The following RGS7 variants were observed in gnomAD, a reference collection of about 807,000 sequenced individuals.
RGS7 encodes the protein regulator of G protein signaling 7.
In RGS7, 27 loss-of-function variants were observed where a neutral mutation model predicts 81.1. The observed-to-expected ratio is 0.33, with a 90% confidence interval of 0.25 to 0.46. RGS7 has a LOEUF of 0.46. RGS7 is among the 20% of genes least tolerant of loss of function. RGS7 has a pLI of 1.00. For missense variants in RGS7, 396 were observed against 607.4 expected (o/e 0.65, Z 3.66); for synonymous variants, 208 against 207.7 (o/e 1.00, Z -0.01).
At chr1:240,786,462 C>G (rs1447772483) in intron 18 of RGS7, among the ~76,000 whole-genome samples, 1 of 151,970 alleles carries the variant, frequency 6.6e-6, no homozygotes. Flanking sequence ...AGAGATGCAA[C>G]CAACATTTAG....
intron 6 of RGS7, among the ~76,000 whole-genome samples, chr1:240,886,872 C>T (rs903286020): frequency 6.6e-6 from 1 of 152,208 alleles, no homozygotes; most frequent in East Asian, 1.9e-4. Context: ...CACAGATATT[C>T]TAGAACATGC....
intron 2 of RGS7, among the ~76,000 whole-genome samples, chr1:241,129,529 G>T (rs929689888): frequency 6.6e-6 from 1 of 152,100 alleles, no homozygotes; most frequent in Non-Finnish European, 1.5e-5. Context: ...AAAAAGCATC[G>T]CCAGCACCCT....
intron 2 of RGS7, among the ~76,000 whole-genome samples, chr1:241,142,274 C>T (rs572862438): frequency 1.3e-4 from 20 of 152,276 alleles, no homozygotes; most frequent in African/African-American, 4.8e-4. Flanking sequence ...AGGATGGTGG[C>T]CTTCTCAAAG....
At chr1:240,942,480 A>T (rs1677756410) in intron 4 of RGS7, among the ~76,000 whole-genome samples, 1 of 152,212 alleles carries the variant, frequency 6.6e-6, no homozygotes, top group Non-Finnish European at 1.5e-5. Context: ...TAATTTAAAA[A>T]CTTCACTGAA....
chr1:241,326,321 A>T (rs534378887), intron 2 of RGS7, among the ~76,000 whole-genome samples: 1 of 152,188 alleles, frequency 6.6e-6, no homozygotes, highest in Non-Finnish European at 1.5e-5. Context: ...TCCAGAAAGA[A>T]TTGGATAAAC....
At chr1:241,107,384 C>T (rs372816059) in intron 2 of RGS7, among the ~76,000 whole-genome samples, 1 of 152,168 alleles carries the variant, frequency 6.6e-6, no homozygotes, top group South Asian at 2.1e-4. Context: ...TCCTGCTTCT[C>T]CGATTACAGA....
intron 9 of RGS7, among the ~76,000 whole-genome samples, chr1:240,866,984 A>T (rs1292888905): frequency 1.3e-5 from 2 of 152,216 alleles, no homozygotes; most frequent in African/African-American, 4.8e-5. Context: ...AACATAACAC[A>T]TTGACTGGTT....
Position 240,988,824 on chromosome 1 carries a change from G to A in RGS7, c.176-5695C>T, listed in dbSNP as rs190975201. Among the ~76,000 whole-genome samples the A allele has an allele frequency of 3.4e-4, 52 of 152,284 alleles. 1 individual carries two copies. The highest frequency in any genetic ancestry group is 7.9e-4 in the African/African-American group (33 of 41,576). On this transcript the variant is annotated intron_variant, in intron 3 of 18. Coordinates refer to ENST00000440928, the MANE Select transcript of RGS7 (RefSeq NM_001364886.1). ...GTTCTGTCTGCCTTTGGCCAAAAGC[G>A]GGTACTGAAAAAAGAGAAAAGCAGC...
chr1:241,259,369 T>C (rs1035677080), intron 2 of RGS7, among the ~76,000 whole-genome samples: 2 of 151,914 alleles, frequency 1.3e-5, no homozygotes, highest in Non-Finnish European at 2.9e-5. Context: ...AATTATGTAT[T>C]ACTGGCCAGG....
intron 4 of RGS7, among the ~76,000 whole-genome samples, chr1:240,943,542 C>T (rs1677960970): frequency 6.6e-6 from 1 of 152,162 alleles, no homozygotes; most frequent in South Asian, 2.1e-4. Flanking sequence ...ACATTAGTAG[C>T]TAGTGTTGCT....
intron 2 of RGS7, among the ~76,000 whole-genome samples, chr1:241,190,962 C>T (rs142633533): frequency 6.6e-6 from 1 of 151,644 alleles, no homozygotes; most frequent in Middle Eastern, 3.2e-3. Context: ...TTCTTTATCA[C>T]GTTGTGAAAA....
chr1:241,294,503 TTTA>T (rs2079276817), intron 2 of RGS7, among the ~76,000 whole-genome samples: 1 of 152,224 alleles, frequency 6.6e-6, no homozygotes, highest in African/African-American at 2.4e-5. Flanking sequence ...CTAAGGTTAA[TTTA>T]TTATTGAAGA....
In RGS7 at chr1:241,006,751, T is replaced by TC. The variant is rs543876793; in HGVS notation, c.176-23623dup. Among the ~76,000 whole-genome samples the TC allele has an allele frequency of 1.8e-4, 28 of 152,252 alleles. No individual in the cohort carries two copies. The South Asian group carries it at 5.8e-3, about 32-fold the overall frequency. ...CAACACAGGTTTGAACTACACGGGT[T>TC]CCCTTATAGGTGGACTTTCTTCCAC... On this transcript the variant is annotated intron_variant, in intron 3 of 18. Transcript: ENST00000440928.
At chr1:241,223,710 C>CAA (rs60885152) in intron 2 of RGS7, among the ~76,000 whole-genome samples, 11 of 135,096 alleles carry the variant, frequency 8.1e-5, no homozygotes, top group African/African-American at 2.7e-4. Flanking sequence ...TTAGACATTG[C>CAA]AAAAAAAAAA....
In RGS7 at chr1:240,868,926, T is replaced by C; in HGVS notation, c.451-74A>G. 7.4e-7 allele frequency: 1 copy of C among 1,355,008 alleles called. No individual in the cohort carries two copies. Among genetic ancestry groups the C allele is most frequent in the Non-Finnish European group, 1.1e-6 (1 of 943,886 alleles). 83.9% of individuals were successfully genotyped at this position (1,355,008 alleles called of 1,614,324 possible). A position where few individuals can be genotyped will look rare whatever the true frequency, so the allele number is the denominator to read the frequency against. The stretch of plus-strand genomic sequence containing the variant: ...TCTCTTCTAGCTTAGTTACCACTTG[T>C]ATTTGTCAAGGAAACAAATAGAGAG... On this transcript the variant is annotated intron_variant, in intron 7 of 18. Transcript: ENST00000440928. The surrounding 1 kb of genome is among the most constrained non-coding windows in gnomAD (Gnocchi z 5.1).
At chr1:240,855,712 T>C (rs1387186417) in intron 9 of RGS7, among the ~76,000 whole-genome samples, 1 of 152,174 alleles carries the variant, frequency 6.6e-6, no homozygotes, top group Non-Finnish European at 1.5e-5. Flanking sequence ...TCTAATTTTA[T>C]TGTATAGCTC....
chr1:240,837,509 T>C (rs1035214094), intron 9 of RGS7, among the ~76,000 whole-genome samples: 7 of 152,240 alleles, frequency 4.6e-5, no homozygotes, highest in Admixed American at 2.0e-4. Flanking sequence ...ACTGTTCCTC[T>C]GGTATTTCAC....
chr1:240,835,710 A>G (rs926820873), intron 9 of RGS7, among the ~76,000 whole-genome samples: 5 of 152,228 alleles, frequency 3.3e-5, no homozygotes, highest in African/African-American at 1.2e-4. Flanking sequence ...AGGTGAATGT[A>G]TAAACTGTGG....
intron 2 of RGS7, among the ~76,000 whole-genome samples, chr1:241,276,627 C>A (rs575891865): frequency 5.9e-5 from 9 of 152,300 alleles, no homozygotes; most frequent in African/African-American, 1.7e-4. Context: ...TTAGCTTAGT[C>A]AACGTCCAGA....
Sources: allele counts gnomAD v4.1 joint callset (sites outside exome capture counted in the v4.1 genomes callset), GRCh38; gene constraint gnomAD v4.1.1; non-coding constraint Gnocchi (gnomAD v3.1); transcripts MANE v1.5; gene names NCBI Gene and HGNC (gene_info 2026-07-23, HGNC 2026-07-21).